The following THRAP3 variants were observed in gnomAD, a reference collection of about 807,000 sequenced individuals.
THRAP3 encodes the protein thyroid hormone receptor associated protein 3.
In THRAP3, 16 loss-of-function variants were observed where a neutral mutation model predicts 101.0. The ratio of observed to expected loss-of-function variants is 0.16; its 90% CI spans 0.11 to 0.24. The LOEUF is 0.24. THRAP3 is among the 10% of genes least tolerant of loss of function. THRAP3 has a pLI of 1.00. For missense variants in THRAP3, 989 were observed against 1,202.7 expected, an observed-to-expected ratio of 0.82 and a Z score of 2.63; for synonymous variants, 407 against 422.6, an observed-to-expected ratio of 0.96 and a Z score of 0.45.
chr1:36,245,556 A>G (rs1381550676), intron 1 of THRAP3, among the ~76,000 whole-genome samples: 1 of 152,074 alleles, frequency 6.6e-6, no homozygotes, highest in African/African-American at 2.4e-5. Context: ...ATTCTGTTCC[A>G]GGGTCTGTTC....
At position 36,301,824 on chromosome 1, in the gene THRAP3, T is replaced by C. The variant is rs1417728454; in HGVS notation, c.2646+128T>C. ...CGTGCAGGATTATTGCACTGGGGCA[T>C]GTGTACTTGCATAGTGCTAACTAGA... On this transcript the variant is annotated intron_variant, in intron 11 of 11. Transcript: ENST00000354618. 8 of 1,176,018 alleles carry C rather than the reference T, an allele frequency of 6.8e-6. No individual in the cohort carries two copies. In the East Asian group the frequency reaches 2.0e-4, roughly 29 times the overall value. The allele number at this position is 1,176,018 out of a possible 1,614,324, so 72.8% of individuals were successfully genotyped here. A position where few individuals can be genotyped will look rare whatever the true frequency, so the allele number is the denominator to read the frequency against.
chr1:36,289,804 C>T lies in THRAP3; in HGVS notation c.1745+40C>T, dbSNP rs1174387757. 8.4e-6 allele frequency: 13 copies of T among 1,549,074 alleles called. No individual in the cohort carries two copies. In the East Asian group the frequency reaches 2.0e-4, roughly 24 times the overall value. ...TTCTTGATCCTCAGTGCTTTAGTGG[C>T]CTAAGTGGTGTCGCCTAGCCTTTCT... On this transcript the variant is annotated intron_variant, in intron 5 of 11. Transcript: ENST00000354618.
At chr1:36,249,780 G>A (rs993554823) in intron 1 of THRAP3, among the ~76,000 whole-genome samples, 12 of 151,114 alleles carry the variant, frequency 7.9e-5, no homozygotes, top group African/African-American at 2.7e-4. Context: ...GCAGTGGGAC[G>A]AGCATGTCTA....
At chr1:36,234,795 T>A (rs1645066097) in intron 1 of THRAP3, among the ~76,000 whole-genome samples, 1 of 151,304 alleles carries the variant, frequency 6.6e-6, no homozygotes, top group African/African-American at 2.4e-5. Context: ...CTTCCTTTAT[T>A]TCTGTTTCAG....
chr1:36,228,622 T>C (rs1644989814), intron 1 of THRAP3, among the ~76,000 whole-genome samples: 2 of 152,212 alleles, frequency 1.3e-5, no homozygotes, highest in Non-Finnish European at 2.9e-5. Context: ...TCTAAAGTGC[T>C]GGGATTACAG....
chr1:36,238,633 T>C (rs1008356608), intron 1 of THRAP3, among the ~76,000 whole-genome samples: 2 of 152,204 alleles, frequency 1.3e-5, no homozygotes, highest in South Asian at 2.1e-4. Context: ...TCATTGAATG[T>C]AGCTAAAATG....
chr1:36,252,964 ATAT>A (rs1645326063), intron 1 of THRAP3, among the ~76,000 whole-genome samples: 2 of 133,986 alleles, frequency 1.5e-5, no homozygotes, highest in Non-Finnish European at 3.2e-5. Context: ...ATATATATAT[ATAT>A]ATAAATGTAA....
At chr1:36,213,974 AAAGAAAGAAAGAAAGAAAGAAAG>A in the THRAP3 span, among the ~76,000 whole-genome samples, 2 of 102,066 alleles carry the variant, frequency 2.0e-5, no homozygotes, top group Admixed American at 9.2e-5. Context: ...AAAGAGAAAG[AAAGAAAGAAAGAAAGAAAGAAAG>A]GAAAGAAAGA....
chr1:36,260,101 G>A (rs376490866), intron 2 of THRAP3, among the ~76,000 whole-genome samples: 15 of 152,124 alleles, frequency 9.9e-5, no homozygotes, highest in African/African-American at 3.1e-4. Flanking sequence ...AATTAGCCAG[G>A]CATGGTGGCA....
upstream of THRAP3, among the ~76,000 whole-genome samples, chr1:36,222,071 C>G (rs1644905379): frequency 6.6e-6 from 1 of 152,142 alleles, no homozygotes; most frequent in African/African-American, 2.4e-5. Flanking sequence ...CTCGCCCTCC[C>G]CAAGTGCAGG....
intron 1 of THRAP3, among the ~76,000 whole-genome samples, chr1:36,259,065 G>T (rs1645411385): frequency 6.6e-6 from 1 of 152,078 alleles, no homozygotes; most frequent in African/African-American, 2.4e-5. Flanking sequence ...TCTGATTTTT[G>T]TCAGGTTCAC....
chr1:36,269,267 G>A (rs1296992363), intron 2 of THRAP3, among the ~76,000 whole-genome samples: 1 of 152,170 alleles, frequency 6.6e-6, no homozygotes, highest in Admixed American at 6.6e-5. Flanking sequence ...AACAGTTGAA[G>A]CGAGCTCACT....
At chr1:36,243,390 G>C (rs899258886) in intron 1 of THRAP3, among the ~76,000 whole-genome samples, 3 of 151,514 alleles carry the variant, frequency 2.0e-5, no homozygotes, top group Non-Finnish European at 4.4e-5. Flanking sequence ...TTAGGGAGTG[G>C]TGATGACTCT....
the THRAP3 span, among the ~76,000 whole-genome samples, chr1:36,215,148 C>T: frequency 1.3e-5 from 2 of 151,862 alleles, no homozygotes; most frequent in African/African-American, 2.4e-5. Context: ...GGCATGAACC[C>T]GAGAGGTGGG....
At chr1:36,279,010 G>A (rs1645698985) in intron 2 of THRAP3, among the ~76,000 whole-genome samples, 1 of 152,024 alleles carries the variant, frequency 6.6e-6, no homozygotes, top group African/African-American at 2.4e-5. Flanking sequence ...GGAGGCTCCG[G>A]GAATGGGAGT....
chr1:36,213,062 A>C, the THRAP3 span, among the ~76,000 whole-genome samples: 1 of 152,180 alleles, frequency 6.6e-6, no homozygotes, highest in Non-Finnish European at 1.5e-5. Context: ...CTGGTACGAC[A>C]TGGAGGCCAG....
chr1:36,252,676 G>C (rs1205420889), intron 1 of THRAP3, among the ~76,000 whole-genome samples: 1 of 151,818 alleles, frequency 6.6e-6, no homozygotes, highest in Non-Finnish European at 1.5e-5. Context: ...GGGAGGCTGA[G>C]GCGGGCAGAT....
chr1:36,270,577 G>GTTTTT (rs869142351), intron 2 of THRAP3, among the ~76,000 whole-genome samples: 1 of 34,634 alleles, frequency 2.9e-5, no homozygotes, highest in African/African-American at 5.9e-5. Context: ...TTAGGTTTTT[G>GTTTTT]TTTTTTTTTT....
At chr1:36,224,258 C>T (rs898106839), upstream of THRAP3, among the ~76,000 whole-genome samples, 1 of 152,248 alleles carries the variant, frequency 6.6e-6, no homozygotes, top group Non-Finnish European at 1.5e-5. Flanking sequence ...ACGTGACCGC[C>T]GACAACCGAG....
Sources: gnomAD v4.1 joint callset for allele counts (sites outside exome capture counted in the v4.1 genomes callset) on GRCh38, gnomAD v4.1.1 for gene constraint, MANE v1.5 for transcripts, NCBI Gene and HGNC (gene_info 2026-07-23, HGNC 2026-07-21) for gene names.